GTF2H2C: variants seen among roughly 807,000 people sequenced by gnomAD.
The protein encoded by GTF2H2C is GTF2H2 family member C.
In GTF2H2C, 5 loss-of-function variants were observed where a neutral mutation model predicts 24.8. That is an observed-to-expected ratio of 0.20 (90% CI 0.11 to 0.42). The LOEUF is 0.42. Ranked by LOEUF, GTF2H2C falls within the 20% of genes least tolerant of loss-of-function variation. The pLI is 1.00. For missense variants in GTF2H2C, 45 were observed against 169.8 expected, an observed-to-expected ratio of 0.27 and a Z score of 4.08; for synonymous variants, 14 against 52.6, an observed-to-expected ratio of 0.27 and a Z score of 3.18.
rs1193700686 is a variant in GTF2H2C, at chr5:69,592,782, C to G, written c.*584C>G. ...AATTAGCCGGGCATGGTGGTTCACG[C>G]CTGGAGTCCCAGCTACTTGGGAGGC... On this transcript the variant is annotated 3_prime_UTR_variant, in exon 17 of 17. Transcript: ENST00000380729. 2 of 38,110 alleles carry G rather than the reference C, an allele frequency of 5.2e-5. No homozygotes were observed. Among genetic ancestry groups the G allele is most frequent in the Admixed American group, 5.5e-4 (2 of 3,616 alleles). 2.4% of individuals were successfully genotyped at this position (38,110 alleles called of 1,614,324 possible). A position where few individuals can be genotyped will look rare whatever the true frequency, so the allele number is the denominator to read the frequency against.
chr5:69,594,462 C>G lies in GTF2H2C; in HGVS notation c.*2264C>G, dbSNP rs1447489131. ...ACACACACACACACACACACACACA[C>G]ACACACACACACACACTGATCAGAG... On this transcript the variant is annotated 3_prime_UTR_variant, in exon 17 of 17. Coordinates refer to ENST00000380729, the MANE Select transcript of GTF2H2C (RefSeq NM_001376000.2). 2.0e-5 allele frequency: 3 copies of G among 153,374 alleles called. No homozygotes were observed. In the Admixed American group the frequency reaches 2.0e-4, roughly 10 times the overall value. 9.5% of individuals were successfully genotyped at this position (153,374 alleles called of 1,614,324 possible).
chr5:69,564,067 C>T (rs1304448948), intron 2 of GTF2H2C, among the ~76,000 whole-genome samples: 3 of 151,164 alleles, frequency 2.0e-5, no homozygotes, highest in East Asian at 1.9e-4. Context: ...TGAGCCATTG[C>T]GTTGGGCCTC....
At chr5:69,561,564 GA>G (rs1201509888) in intron 1 of GTF2H2C, among the ~76,000 whole-genome samples, 1 of 29,518 alleles carries the variant, frequency 3.4e-5, no homozygotes, top group Non-Finnish European at 1.4e-4. Flanking sequence ...AGAAAAAAAA[GA>G]AAAAAAAGAA....
chr5:69,590,112 T>C lies in GTF2H2C; in HGVS notation c.1029-216T>C, dbSNP rs935261246. 8.0e-5 allele frequency among the ~76,000 whole-genome samples: 12 copies of C among 150,502 alleles called. 1 individual carries two copies. The highest frequency in any genetic ancestry group is 1.2e-4 in the Non-Finnish European group (8 of 67,786). ...GTTGGCCAGGCTGGTCACGAACTCCTGACCTGAGGTGATCCACCCGCCTCG... is the reference window on the plus strand; with the variant it reads ...GTTGGCCAGGCTGGTCACGAACTCCCGACCTGAGGTGATCCACCCGCCTCG... On this transcript the variant is annotated intron_variant, in intron 15 of 16. Transcript: ENST00000380729.
chr5:69,564,608 G>A (rs2112175419), intron 2 of GTF2H2C, among the ~76,000 whole-genome samples: 1 of 142,378 alleles, frequency 7.0e-6, no homozygotes, highest in South Asian at 2.4e-4. Context: ...GTTTGGAGAT[G>A]TCTCAAAGAA....
rs1305035449 is a variant in GTF2H2C, at chr5:69,593,963, AAG to A, written c.*1768_*1769del. Among the ~76,000 whole-genome samples the A allele has an allele frequency of 1.4e-5, 2 of 138,778 alleles. No individual in the cohort carries two copies. Among genetic ancestry groups the A allele is most frequent in the East Asian group, 2.1e-4 (1 of 4,810 alleles). 91.0% of individuals were successfully genotyped at this position (138,778 alleles called of 152,430 possible). ...GAAAAAAAAAAAAAAAAAAAAAAAA[AAG>A]AGTAAATCAGGCTTTCATAGCAAAG... On this transcript the variant is annotated 3_prime_UTR_variant, in exon 17 of 17. Transcript: ENST00000380729.
At chr5:69,563,657 T>C (rs1300913160) in intron 2 of GTF2H2C, among the ~76,000 whole-genome samples, 1 of 152,064 alleles carries the variant, frequency 6.6e-6, no homozygotes, top group Non-Finnish European at 1.5e-5. Flanking sequence ...ACATAGTACC[T>C]GATAGGCAGT....
intron 9 of GTF2H2C, among the ~76,000 whole-genome samples, chr5:69,577,555 A>AT (rs1390991435): frequency 9.0e-6 from 1 of 110,652 alleles, no homozygotes; most frequent in Admixed American, 9.4e-5. Flanking sequence ...CGTCCGGCTC[A>AT]TTTTTTTGTA....
intron 12 of GTF2H2C, among the ~76,000 whole-genome samples, chr5:69,581,607 C>T (rs1771601937): frequency 8.6e-6 from 1 of 116,604 alleles, no homozygotes; most frequent in Admixed American, 9.8e-5. Flanking sequence ...TATTAGAGTC[C>T]TTTAGGAATG....
chr5:69,577,657 G>A, intron 9 of GTF2H2C: 1 of 88,486 alleles, frequency 1.1e-5, no homozygotes, highest in Admixed American at 1.3e-4. Flanking sequence ...CCAAAGTGCT[G>A]GGAATACAGG....
intron 2 of GTF2H2C, among the ~76,000 whole-genome samples, chr5:69,564,786 C>A (rs1201743692): frequency 6.6e-6 from 1 of 150,658 alleles, no homozygotes; most frequent in Non-Finnish European, 1.5e-5. Context: ...TTCAACTACG[C>A]CCATACTGAC....
intron 15 of GTF2H2C, among the ~76,000 whole-genome samples, chr5:69,590,123 G>A (rs1223276751): frequency 6.7e-6 from 1 of 150,022 alleles, no homozygotes; most frequent in East Asian, 2.0e-4. Context: ...GACCTGAGGT[G>A]ATCCACCCGC....
intron 9 of GTF2H2C, among the ~76,000 whole-genome samples, chr5:69,573,141 T>TACACACAC: frequency 1.6e-5 from 1 of 62,344 alleles, no homozygotes; most frequent in Admixed American, 1.9e-4. Flanking sequence ...ATATCTATTA[T>TACACACAC]ATATACACAC....
At chr5:69,569,767 C>T (rs1181805479) in intron 8 of GTF2H2C, 3 of 82,848 alleles carry the variant, frequency 3.6e-5, no homozygotes, top group African/African-American at 8.9e-5. Flanking sequence ...CTCCGCCTCC[C>T]GGGTTCAAGA....
intron 11 of GTF2H2C, 145 bp from the exon 12 acceptor site, chr5:69,579,608 TTAAA>T (rs1771428538): frequency 3.7e-6 from 2 of 544,438 alleles, no homozygotes; most frequent in South Asian, 2.8e-5. Context: ...GATATATTAC[TTAAA>T]TAAGGTTTTA....
At chr5:69,562,601 GGATGGAGGTGT>G (rs1561362549) in intron 1 of GTF2H2C, 61 bp from the exon 2 acceptor site, 1 of 149,804 alleles carries the variant, frequency 6.7e-6, no homozygotes, top group African/African-American at 2.5e-5. Flanking sequence ...GCATTGGGGA[GGATGGAGGTGT>G]GATGAGGACA....
intron 4 of GTF2H2C, 118 bp downstream of exon 4, chr5:69,566,326 C>T (rs1238689751): frequency 7.1e-7 from 1 of 1,408,790 alleles, no homozygotes; most frequent in Non-Finnish European, 9.7e-7. Flanking sequence ...TGACCTATTG[C>T]CTTCTGACTA....
intron 9 of GTF2H2C, among the ~76,000 whole-genome samples, chr5:69,573,201 T>G (rs1273168453): frequency 6.9e-6 from 1 of 144,242 alleles, no homozygotes; most frequent in African/African-American, 2.6e-5. Context: ...TATATATTTT[T>G]TCGAGACAGA....
Position 69,566,226 on chromosome 5 carries a change from G to C in GTF2H2C, c.134+18G>C, listed in dbSNP as rs1401613728. ...AGAAAAAGGTATGTAACCTTCCTACGTATCTTAAAAAGGTAAAATATATTC... is the reference window on the plus strand; with the variant it reads ...AGAAAAAGGTATGTAACCTTCCTACCTATCTTAAAAAGGTAAAATATATTC... On this transcript the variant is annotated intron_variant, in intron 4 of 16. Transcript: ENST00000380729. 7 of 1,610,326 alleles carry C rather than the reference G, an allele frequency of 4.3e-6. No homozygotes were observed. The East Asian group carries it at 1.6e-4, about 36-fold the overall frequency.
Sources: gnomAD v4.1 joint callset for allele counts (sites outside exome capture counted in the v4.1 genomes callset) on GRCh38, gnomAD v4.1.1 for gene constraint, MANE v1.5 for transcripts, NCBI Gene and HGNC (gene_info 2026-07-23, HGNC 2026-07-21) for gene names.